The following DAB1 variants were observed in gnomAD, a reference collection of about 807,000 sequenced individuals.
DAB1 encodes disabled homolog 1.
In DAB1, 15 loss-of-function variants were observed where a neutral mutation model predicts 64.6. The observed-to-expected ratio is 0.23, with a 90% CI of 0.16 to 0.36. The LOEUF (loss-of-function observed/expected upper bound fraction) is 0.36. DAB1 is among the 10% of genes least tolerant of loss of function. DAB1 has a pLI of 1.00. For missense variants in DAB1, 596 were observed against 706.7 expected (o/e 0.84, Z 1.78); for synonymous variants, 235 against 251.9 (o/e 0.93, Z 0.64).
At chr1:57,086,644 AACACACACACACACACACACACAC>A (rs368060919) in intron 4 of DAB1, among the ~76,000 whole-genome samples, 1 of 118,530 alleles carries the variant, frequency 8.4e-6, no homozygotes, top group Non-Finnish European at 1.7e-5. Context: ...TTCTGTCTTA[AACACACACACACACACACACACAC>A]ACACACACAC....
chr1:58,401,248 C>A (rs746420795), intron 3 of DAB1, among the ~76,000 whole-genome samples: 3 of 152,194 alleles, frequency 2.0e-5, no homozygotes, highest in Non-Finnish European at 4.4e-5. Context: ...ATTGCCTCCA[C>A]CCTGTGCCAT....
At chr1:58,216,491 T>C (rs1282353331) in intron 4 of DAB1, among the ~76,000 whole-genome samples, 4 of 152,222 alleles carry the variant, frequency 2.6e-5, no homozygotes, top group African/African-American at 9.6e-5. Context: ...AATAAACATA[T>C]GTGTGCATGT....
At chr1:58,086,571 C>A (rs999240994) in intron 5 of DAB1, among the ~76,000 whole-genome samples, 1 of 152,012 alleles carries the variant, frequency 6.6e-6, no homozygotes, top group Non-Finnish European at 1.5e-5. Context: ...TCATTAACCA[C>A]AGTACAAAGT....
At position 57,008,250 on chromosome 1, in the gene DAB1, T is replaced by C. The variant is rs1397402861; in HGVS notation, c.*15+2430A>G. Among the ~76,000 whole-genome samples the C allele has an allele frequency of 2.0e-5, 3 of 152,210 alleles. No individual in the cohort carries two copies. In the South Asian group the frequency reaches 6.2e-4, roughly 31 times the overall value. On this transcript the variant is annotated intron_variant, in intron 14 of 14. Coordinates refer to ENST00000371236, the MANE Select transcript of DAB1 (RefSeq NM_001365792.1). The stretch of plus-strand genomic sequence containing the variant: ...CAAGCCAGAGAGCTAAGCAGCAGGC[T>C]TTTTTCTTTTTTTCCCTTCCAAAGC...
chr1:58,132,645 T>A (rs980770029), intron 5 of DAB1, among the ~76,000 whole-genome samples: 2 of 152,122 alleles, frequency 1.3e-5, no homozygotes, highest in African/African-American at 2.4e-5. Context: ...CACTTCTTGT[T>A]TTCTCCCTAG....
At chr1:57,824,023 T>C (rs1401958431), downstream of DAB1, among the ~76,000 whole-genome samples, 2 of 152,244 alleles carry the variant, frequency 1.3e-5, no homozygotes, top group African/African-American at 4.8e-5. Flanking sequence ...CTGCTGATGA[T>C]AATAATCATG....
At chr1:57,050,890 G>GAACTC (rs1649118114) in intron 9 of DAB1, among the ~76,000 whole-genome samples, 1 of 152,168 alleles carries the variant, frequency 6.6e-6, no homozygotes, top group African/African-American at 2.4e-5. Context: ...AATTGTAAGG[G>GAACTC]AACTCAAATA....
At chr1:57,926,540 T>C (rs911879731) in intron 5 of DAB1, among the ~76,000 whole-genome samples, 4 of 152,194 alleles carry the variant, frequency 2.6e-5, no homozygotes, top group African/African-American at 9.6e-5. Context: ...TCTGTGACAT[T>C]AGGCAAACTT....
chr1:58,378,868 G>GA (rs1421078254), intron 3 of DAB1, among the ~76,000 whole-genome samples: 1 of 84,962 alleles, frequency 1.2e-5, no homozygotes, highest in Non-Finnish European at 2.3e-5. Context: ...CCAGGTGTGG[G>GA]ATATAGTCTC....
chr1:57,071,999 T>C (rs1651512042), intron 5 of DAB1, among the ~76,000 whole-genome samples: 1 of 150,878 alleles, frequency 6.6e-6, no homozygotes, highest in South Asian at 2.1e-4. Context: ...CTTATTTGTA[T>C]ACGGTGCCTC....
At chr1:57,793,715 A>G (rs950269018) in intron 6 of DAB1, among the ~76,000 whole-genome samples, 10 of 152,174 alleles carry the variant, frequency 6.6e-5, no homozygotes, top group African/African-American at 2.4e-4. Context: ...TGCCTCAAAA[A>G]CTCAGCTTCC....
chr1:58,388,503 A>C (rs1644451884), intron 3 of DAB1, among the ~76,000 whole-genome samples: 1 of 152,192 alleles, frequency 6.6e-6, no homozygotes, highest in South Asian at 2.1e-4. Flanking sequence ...CCAGCCTACA[A>C]CCATAAAGAC....
At chr1:58,323,942 GACTT>G (rs1452741738) in intron 4 of DAB1, among the ~76,000 whole-genome samples, 1 of 132,688 alleles carries the variant, frequency 7.5e-6, no homozygotes, top group Non-Finnish European at 1.6e-5. Context: ...AAAAAAAAAA[GACTT>G]AGTTACTGCT....
intron 4 of DAB1, among the ~76,000 whole-genome samples, chr1:58,238,813 A>T (rs1306107205): frequency 2.0e-5 from 3 of 152,198 alleles, no homozygotes; most frequent in Admixed American, 1.3e-4. Context: ...GCATCACTGT[A>T]GCCCCATTTT....
At chr1:58,038,090 A>G (rs1647074587) in intron 5 of DAB1, among the ~76,000 whole-genome samples, 1 of 152,228 alleles carries the variant, frequency 6.6e-6, no homozygotes, top group Admixed American at 6.5e-5. Flanking sequence ...CTGACTTGAT[A>G]TCTTTTATAT....
At chr1:57,239,316 T>TA (rs1266803578) in intron 2 of DAB1, among the ~76,000 whole-genome samples, 1 of 152,224 alleles carries the variant, frequency 6.6e-6, no homozygotes, top group Non-Finnish European at 1.5e-5. Flanking sequence ...TCCCAGCACT[T>TA]ACTGCTGTAC....
At chr1:57,343,002 ACT>A (rs879602324) in intron 1 of DAB1, among the ~76,000 whole-genome samples, 77,012 of 151,362 alleles carry the variant, frequency 0.51, 20,339 homozygotes, top group Non-Finnish European at 0.56. Context: ...GCGGGTTGCC[ACT>A]GCTGGCTCGG....
At chr1:58,491,793 T>C (rs1399282900) in intron 3 of DAB1, among the ~76,000 whole-genome samples, 2 of 152,226 alleles carry the variant, frequency 1.3e-5, no homozygotes, top group African/African-American at 2.4e-5. Flanking sequence ...CAAAGTGACT[T>C]AGACTCCCAC....
chr1:58,302,091 G>A (rs1662184222), intron 4 of DAB1, among the ~76,000 whole-genome samples: 1 of 152,050 alleles, frequency 6.6e-6, no homozygotes, highest in Admixed American at 6.6e-5. Context: ...CAGGGAATTT[G>A]GCTCCCCTGA....
Sources: allele counts gnomAD v4.1 joint callset (sites outside exome capture counted in the v4.1 genomes callset), GRCh38; gene constraint gnomAD v4.1.1; transcripts MANE v1.5; gene names NCBI Gene and HGNC (gene_info 2026-07-23, HGNC 2026-07-21).